Variants in USH2A observed in about 807,000 individuals in gnomAD.
USH2A encodes the protein Usher syndrome 2A (autosomal recessive, mild).
In USH2A, 443 loss-of-function variants were observed where a neutral mutation model predicts 538.9. That is an observed-to-expected ratio of 0.82 (90% CI 0.76 to 0.89). The LOEUF is 0.89. USH2A is among the 40% of genes least tolerant of loss of function. The pLI is 0.00. For missense variants in USH2A, 6,633 were observed against 6,324.8 expected (o/e 1.05, Z -1.65); for synonymous variants, 2,413 against 2,273.5 (o/e 1.06, Z -1.75).
At chr1:216,295,866 A>G (rs893614843) in intron 9 of USH2A, among the ~76,000 whole-genome samples, 2 of 151,970 alleles carry the variant, frequency 1.3e-5, no homozygotes, top group Non-Finnish European at 2.9e-5. Flanking sequence ...GTTCTATTTT[A>G]ATACAGAATA....
chr1:216,054,425 T>C (rs940809022), intron 30 of USH2A, among the ~76,000 whole-genome samples: 1 of 152,144 alleles, frequency 6.6e-6, no homozygotes, highest in African/African-American at 2.4e-5. Context: ...TGCAAGCTTT[T>C]GCACCTCTAA....
chr1:215,907,582 G>A (rs1288534574), intron 38 of USH2A, among the ~76,000 whole-genome samples: 1 of 152,014 alleles, frequency 6.6e-6, no homozygotes, highest in Admixed American at 6.6e-5. Context: ...TTCTTCAAGT[G>A]ATGCTGCTGA....
chr1:216,107,806 T>G (rs1332823855), intron 21 of USH2A, among the ~76,000 whole-genome samples: 1 of 151,648 alleles, frequency 6.6e-6, no homozygotes, highest in Admixed American at 6.6e-5. Context: ...AGGTAGACTT[T>G]AGACTTTTTA....
intron 70 of USH2A, among the ~76,000 whole-genome samples, chr1:215,634,152 C>T (rs891862443): frequency 6.6e-6 from 1 of 152,220 alleles, no homozygotes; most frequent in Non-Finnish European, 1.5e-5. Context: ...CCTAGTTACA[C>T]ATTAAAATCA....
chr1:215,791,028 A>G (rs911594900), intron 50 of USH2A, among the ~76,000 whole-genome samples: 3 of 152,192 alleles, frequency 2.0e-5, no homozygotes, highest in Admixed American at 2.0e-4. Context: ...TAAACGAAAG[A>G]CACACGTACC....
chr1:216,375,455 C>T (rs1214099321), intron 3 of USH2A, among the ~76,000 whole-genome samples: 2 of 152,164 alleles, frequency 1.3e-5, no homozygotes, highest in Admixed American at 6.5e-5. Context: ...GTGAACCAAT[C>T]TCTGCTAGCT....
At chr1:216,244,171 T>C (rs1369636999) in intron 13 of USH2A, among the ~76,000 whole-genome samples, 1 of 152,174 alleles carries the variant, frequency 6.6e-6, no homozygotes, top group Non-Finnish European at 1.5e-5. Context: ...AGGAGGATTA[T>C]ACTGCATTCC....
At position 215,728,863 on chromosome 1, in the gene USH2A, G is replaced by A. The variant is rs537382650; in HGVS notation, c.11712-479C>T. Among the ~76,000 whole-genome samples the A allele has an allele frequency of 9.2e-5, 14 of 152,158 alleles. No individual in the cohort carries two copies. The South Asian group carries it at 1.5e-3, about 16-fold the overall frequency. ...TTTCCAGATCTGTGTGTATGTGTCT[G>A]TGTGTGTGTGCATGTATGCATGCAG... On this transcript the variant is annotated intron_variant, in intron 60 of 71. Coordinates refer to ENST00000307340, the MANE Select transcript of USH2A (RefSeq NM_206933.4).
At chr1:216,159,837 A>T (rs2034019493) in intron 21 of USH2A, among the ~76,000 whole-genome samples, 1 of 152,134 alleles carries the variant, frequency 6.6e-6, no homozygotes, top group South Asian at 2.1e-4. Context: ...TTTTTAAAAC[A>T]CATCTAGGAC....
rs149661707 is a variant in USH2A, at chr1:216,416,922, G to A, written c.651+1592C>T. On this transcript the variant is annotated intron_variant, in intron 3 of 71. Transcript: ENST00000307340. ...TGTCTTTAAAAGTTTCTATTTCTAC[G>A]TTTTTAATATTAAAACCCAATTCTG... 3.9e-5 allele frequency among the ~76,000 whole-genome samples: 6 copies of A among 152,156 alleles called. No individual in the cohort carries two copies. The East Asian group carries it at 9.7e-4, about 25-fold the overall frequency.
intron 13 of USH2A, among the ~76,000 whole-genome samples, chr1:216,236,138 C>T (rs1572078153): frequency 6.6e-6 from 1 of 151,858 alleles, no homozygotes; most frequent in Admixed American, 6.6e-5. Context: ...GGTATAATTT[C>T]TCTTTTTTAA....
chr1:215,681,242 C>T (rs759976961), intron 61 of USH2A, among the ~76,000 whole-genome samples: 1 of 152,050 alleles, frequency 6.6e-6, no homozygotes, highest in Admixed American at 6.6e-5. Flanking sequence ...GCTCTTTCCA[C>T]ATCTGGACTG....
At chr1:215,880,450 A>C (rs1225395315) in intron 41 of USH2A, among the ~76,000 whole-genome samples, 1 of 152,202 alleles carries the variant, frequency 6.6e-6, no homozygotes, top group Admixed American at 6.5e-5. Flanking sequence ...GAATCTTAAA[A>C]AAACTTTTTG....
chr1:215,934,881 A>G (rs912713884), intron 37 of USH2A, 86 bp from the exon 38 acceptor site: 2 of 1,301,678 alleles, frequency 1.5e-6, no homozygotes, highest in African/African-American at 3.0e-5. Context: ...GAGTTTCTAA[A>G]TATACTGTAC....
chr1:215,760,896 C>A (rs1660962871), intron 56 of USH2A, among the ~76,000 whole-genome samples: 1 of 152,150 alleles, frequency 6.6e-6, no homozygotes, highest in African/African-American at 2.4e-5. Context: ...CCATTGGAAT[C>A]TTTGTAAAAG....
intron 49 of USH2A, among the ~76,000 whole-genome samples, chr1:215,805,828 GACCACATTA>G (rs113200150): frequency 9.3e-3 from 1,414 of 151,958 alleles, no homozygotes; most frequent in African/African-American, 0.032. Flanking sequence ...AAAAAATTCA[GACCACATTA>G]ACAGCTTTTG....
chr1:216,294,113 G>A (rs1250433281), intron 9 of USH2A, among the ~76,000 whole-genome samples: 3 of 152,004 alleles, frequency 2.0e-5, no homozygotes, highest in Admixed American at 6.6e-5. Context: ...CTGGATATAT[G>A]TTTTATAATT....
At chr1:215,950,391 T>C (rs920049138) in intron 37 of USH2A, among the ~76,000 whole-genome samples, 2 of 152,184 alleles carry the variant, frequency 1.3e-5, no homozygotes, top group African/African-American at 4.8e-5. Context: ...TAAAATATGA[T>C]ATGTGTTTGT....
At chr1:215,970,454 G>A (rs1243065504) in intron 36 of USH2A, among the ~76,000 whole-genome samples, 171 bp downstream of exon 36, 2 of 151,940 alleles carry the variant, frequency 1.3e-5, no homozygotes, top group African/African-American at 2.4e-5. Flanking sequence ...AATTTATGTC[G>A]AATATAAAAT....
Sources: allele counts gnomAD v4.1 joint callset (sites outside exome capture counted in the v4.1 genomes callset), GRCh38; gene constraint gnomAD v4.1.1; transcripts MANE v1.5; gene names NCBI Gene and HGNC (gene_info 2026-07-23, HGNC 2026-07-21).